Variants in MCTP2 observed in about 807,000 individuals in gnomAD.
The protein encoded by MCTP2 is multiple C2 and transmembrane domain-containing protein 2.
Under a neutral mutation model 111.6 loss-of-function variants are expected in MCTP2, and 132 were observed. That is an observed-to-expected ratio of 1.18 (90% confidence interval 1.03 to 1.37). MCTP2 has a LOEUF of 1.37. Among genes scored for constraint, MCTP2 ranks in the 40% most tolerant of loss-of-function variants. The pLI is 0.00. For synonymous variants in MCTP2, 395 were observed against 387.7 expected, an observed-to-expected ratio of 1.02 and a Z score of -0.22; for missense variants, 1,183 against 1,067.9, an observed-to-expected ratio of 1.11 and a Z score of -1.50.
Position 94,483,463 on chromosome 15 carries a change from T to C in MCTP2, c.*4429T>C, listed in dbSNP as rs2074825498. ...GACACTGGATCAGTCTAAATGCCCATCATTGATAGAATGGATAAAGAAAAT... is the reference window on the plus strand; with the variant it reads ...GACACTGGATCAGTCTAAATGCCCACCATTGATAGAATGGATAAAGAAAAT... On this transcript the variant is annotated 3_prime_UTR_variant, in exon 23 of 23. Transcript: ENST00000357742. The C allele has an allele frequency of 6.6e-6, 1 of 152,192 alleles. No homozygotes were observed. The highest frequency in any genetic ancestry group is 6.5e-5 in the Admixed American group (1 of 15,278). The allele number at this position is 152,192 out of a possible 1,614,324, so 9.4% of individuals were successfully genotyped here.
intron 20 of MCTP2, among the ~76,000 whole-genome samples, chr15:94,464,381 T>TGTTTATAACATCCTCTTATTTAATGTC (rs2085469464): frequency 1.3e-5 from 2 of 150,824 alleles, no homozygotes; most frequent in African/African-American, 4.9e-5. Flanking sequence ...GATTTAATGT[T>TGTTTATAACATCCTCTTATTTAATGTC]GTTTATAACA....
intron 1 of MCTP2, among the ~76,000 whole-genome samples, chr15:94,245,249 T>C (rs1367902005): frequency 1.3e-4 from 19 of 142,786 alleles, no homozygotes; most frequent in East Asian, 2.1e-4. Flanking sequence ...TATATACACA[T>C]ATGTATATAT....
chr15:94,479,917 G>C lies in MCTP2; in HGVS notation c.*883G>C, dbSNP rs537548130. The C allele has an allele frequency of 1.3e-5, 2 of 152,238 alleles. No homozygotes were observed. The highest frequency in any genetic ancestry group is 3.9e-4 in the East Asian group (2 of 5,184). 9.4% of individuals were successfully genotyped at this position (152,238 alleles called of 1,614,324 possible). A position where few individuals can be genotyped will look rare whatever the true frequency, so the allele number is the denominator to read the frequency against. On this transcript the variant is annotated 3_prime_UTR_variant, in exon 23 of 23. Coordinates refer to ENST00000357742, the MANE Select transcript of MCTP2 (RefSeq NM_001385001.1). ...AAACTGAAGACCGAGAGACTAATAA[G>C]GCTGCTTACCTAATTATTATAATCA...
At chr15:94,299,199 G>A (rs1050396483) in intron 2 of MCTP2, among the ~76,000 whole-genome samples, 1 of 151,646 alleles carries the variant, frequency 6.6e-6, no homozygotes, top group African/African-American at 2.4e-5. Flanking sequence ...GTGTTTTAAA[G>A]CTATTACAAA....
chr15:94,253,200 G>A (rs557889139), intron 1 of MCTP2, among the ~76,000 whole-genome samples: 11 of 152,252 alleles, frequency 7.2e-5, no homozygotes, highest in South Asian at 2.1e-4. Context: ...GAGGAGAGAC[G>A]GTTCCTGTCT....
rs140875639 is a variant in MCTP2, at chr15:94,411,469, G to A, written c.2085+9450G>A. Among the ~76,000 whole-genome samples the A allele has an allele frequency of 7.7e-3, 1,176 of 152,234 alleles. 15 individuals are homozygous for A. The highest frequency in any genetic ancestry group is 0.024 in the African/African-American group (1,006 of 41,536). ...GCTGTGTGATGTGGGCGTGCTTGCT[G>A]GGGTAGCCTGTAATTAGACCCACCA... On this transcript the variant is annotated intron_variant, in intron 17 of 22. Transcript: ENST00000357742.
chr15:94,243,013 G>A lies in MCTP2; in HGVS notation c.-66+11349G>A, dbSNP rs1216043548. On this transcript the variant is annotated intron_variant, in intron 1 of 22. Transcript: ENST00000357742. Reference sequence around the variant, plus strand: ...TGTATATGTGTATCTACACATACACGTGTATATGTGTATCTACACATACAC... The same window carrying A: ...TGTATATGTGTATCTACACATACACATGTATATGTGTATCTACACATACAC... Among the ~76,000 whole-genome samples, 6 of 79,632 alleles carry A rather than the reference G, an allele frequency of 7.5e-5. 2 individuals carry two copies. Among genetic ancestry groups the A allele is most frequent in the African/African-American group, 3.1e-4 (6 of 19,124 alleles). 52.2% of individuals were successfully genotyped at this position (79,632 alleles called of 152,430 possible). A position where few individuals can be genotyped will look rare whatever the true frequency, so the allele number is the denominator to read the frequency against.
In MCTP2 at chr15:94,451,109, C is replaced by T. The variant is rs915407833; in HGVS notation, c.2251-7028C>T. ...GAACAATTGTGTTACAACACAGACA[C>T]ATTATTTGTTCTTAGTTCTGCTTAC... On this transcript the variant is annotated intron_variant, in intron 19 of 22. Coordinates refer to ENST00000357742, the MANE Select transcript of MCTP2 (RefSeq NM_001385001.1). Among the ~76,000 whole-genome samples the T allele has an allele frequency of 2.6e-5, 4 of 152,112 alleles. No homozygotes were observed. The South Asian group carries it at 8.3e-4, about 32-fold the overall frequency.
chr15:94,409,967 C>A (rs982504827), intron 17 of MCTP2, among the ~76,000 whole-genome samples: 1 of 151,152 alleles, frequency 6.6e-6, no homozygotes, highest in Admixed American at 6.6e-5. Flanking sequence ...GCCCTCCTCA[C>A]CTCCTTAGTT....
At chr15:94,407,913 C>G (rs1242593368) in intron 17 of MCTP2, among the ~76,000 whole-genome samples, 1 of 151,880 alleles carries the variant, frequency 6.6e-6, no homozygotes, top group African/African-American at 2.4e-5. Flanking sequence ...AAAGGCAAGG[C>G]CTTGAGGACT....
At chr15:94,453,008 ATTC>A (rs2084563301) in intron 19 of MCTP2, among the ~76,000 whole-genome samples, 1 of 152,156 alleles carries the variant, frequency 6.6e-6, no homozygotes, top group Admixed American at 6.5e-5. Context: ...GAAATAACTG[ATTC>A]TTTTCTTTAC....
At chr15:94,393,072 G>C (rs1244376412) in intron 14 of MCTP2, among the ~76,000 whole-genome samples, 3 of 151,958 alleles carry the variant, frequency 2.0e-5, no homozygotes, top group Non-Finnish European at 2.9e-5. Flanking sequence ...AATACTATCT[G>C]ATAATATATT....
intron 10 of MCTP2, among the ~76,000 whole-genome samples, chr15:94,363,330 G>A (rs1237816174): frequency 6.6e-6 from 1 of 152,160 alleles, no homozygotes; most frequent in Non-Finnish European, 1.5e-5. Context: ...GTGGCAGTAG[G>A]TGGAATGAGG....
intron 1 of MCTP2, among the ~76,000 whole-genome samples, chr15:94,235,528 G>C (rs902849113): frequency 6.6e-6 from 1 of 152,096 alleles, no homozygotes; most frequent in Non-Finnish European, 1.5e-5. Flanking sequence ...ATCACTGGGA[G>C]GGAACTGAAA....
intron 17 of MCTP2, among the ~76,000 whole-genome samples, chr15:94,406,325 T>C (rs2081894292): frequency 6.6e-6 from 1 of 152,168 alleles, no homozygotes; most frequent in African/African-American, 2.4e-5. Context: ...AGAGGTGGAA[T>C]TGAAACCCAG....
Position 94,393,711 on chromosome 15 carries a change from T to A in MCTP2, c.1789-5250T>A, listed in dbSNP as rs139618044. Among the ~76,000 whole-genome samples the A allele has an allele frequency of 3.9e-3, 594 of 152,192 alleles. 2 individuals carry two copies. Among genetic ancestry groups the A allele is most frequent in the Non-Finnish European group, 6.9e-3 (466 of 68,010 alleles). On this transcript the variant is annotated intron_variant, in intron 14 of 22. Coordinates refer to ENST00000357742, the MANE Select transcript of MCTP2 (RefSeq NM_001385001.1). Reference sequence around the variant, plus strand: ...CACTAGTACAGTATATACATTTTCTTTAATCAATAAGGAAAATACAAGTCA... The same window carrying A: ...CACTAGTACAGTATATACATTTTCTATAATCAATAAGGAAAATACAAGTCA...
intron 1 of MCTP2, among the ~76,000 whole-genome samples, chr15:94,272,837 A>T (rs1260125109): frequency 6.6e-6 from 1 of 152,182 alleles, no homozygotes; most frequent in South Asian, 2.1e-4. Context: ...TCGTCATAGT[A>T]TAAGGCTTTT....
At chr15:94,477,464 C>A (rs1372219409) in intron 22 of MCTP2, among the ~76,000 whole-genome samples, 2 of 152,054 alleles carry the variant, frequency 1.3e-5, no homozygotes, top group Non-Finnish European at 2.9e-5. Flanking sequence ...TCGATCCTGG[C>A]CCCTGTGGAT....
chr15:94,471,759 GAA>G (rs200725385), intron 21 of MCTP2, among the ~76,000 whole-genome samples: 1 of 131,756 alleles, frequency 7.6e-6, no homozygotes. Flanking sequence ...GGCATATTTT[GAA>G]AAAAAAAAAA....
Sources: allele counts gnomAD v4.1 joint callset (sites outside exome capture counted in the v4.1 genomes callset), GRCh38; gene constraint gnomAD v4.1.1; transcripts MANE v1.5; gene names NCBI Gene and HGNC (gene_info 2026-07-23, HGNC 2026-07-21).